CAMK1D: variants seen among roughly 807,000 people sequenced by gnomAD.
The protein encoded by CAMK1D is calcium/calmodulin-dependent protein kinase type 1D.
Under a neutral mutation model 47.7 loss-of-function variants are expected in CAMK1D, and 9 were observed. The observed-to-expected ratio is 0.19, with a 90% CI of 0.11 to 0.33. The LOEUF (loss-of-function observed/expected upper bound fraction) is 0.33. CAMK1D is among the 10% of genes least tolerant of loss of function. CAMK1D has a pLI of 1.00. For synonymous variants in CAMK1D, 184 were observed against 184.9 expected, an observed-to-expected ratio of 0.99 and a Z score of 0.04; for missense variants, 291 against 488.7, an observed-to-expected ratio of 0.60 and a Z score of 3.81.
intron 3 of CAMK1D, among the ~76,000 whole-genome samples, chr10:12,741,451 G>A (rs1237921286): frequency 6.6e-6 from 1 of 152,216 alleles, no homozygotes; most frequent in African/African-American, 2.4e-5. Context: ...AGCGAGGGCC[G>A]CCCTCTTGGC....
chr10:12,593,305 C>T (rs1278964785), intron 2 of CAMK1D, among the ~76,000 whole-genome samples: 1 of 152,096 alleles, frequency 6.6e-6, no homozygotes, highest in Admixed American at 6.5e-5. Context: ...AGGTAAGACC[C>T]AAGGCTGTCT....
At chr10:12,742,624 G>A (rs971950701) in intron 3 of CAMK1D, among the ~76,000 whole-genome samples, 2 of 152,186 alleles carry the variant, frequency 1.3e-5, no homozygotes, top group African/African-American at 4.8e-5. Context: ...CGTGAGCTGA[G>A]GTTTCAGCTC....
intron 2 of CAMK1D, among the ~76,000 whole-genome samples, chr10:12,588,860 GTATA>G (rs199590472): frequency 1.1e-4 from 12 of 106,346 alleles, no homozygotes; most frequent in African/African-American, 3.6e-4. Context: ...ACATGTATAT[GTATA>G]TATGTGTGTG....
At chr10:12,471,798 G>A (rs11257814) in intron 1 of CAMK1D, among the ~76,000 whole-genome samples, 8,630 of 152,142 alleles carry the variant, frequency 0.057, 323 homozygotes, top group East Asian at 0.14. Context: ...TTGGGAAGCC[G>A]AGATGGGAGG....
chr10:12,619,026 A>G (rs988762856), intron 2 of CAMK1D, among the ~76,000 whole-genome samples: 1 of 152,244 alleles, frequency 6.6e-6, no homozygotes, highest in African/African-American at 2.4e-5. Context: ...GCTATGCAGT[A>G]CTACTACCTG....
At chr10:12,614,751 T>C (rs1588691250) in intron 2 of CAMK1D, among the ~76,000 whole-genome samples, 2 of 152,148 alleles carry the variant, frequency 1.3e-5, no homozygotes, top group Admixed American at 1.3e-4. Context: ...ACCCTCACCC[T>C]CCACAAGGCT....
At chr10:12,728,777 G>A (rs1046214088) in intron 3 of CAMK1D, among the ~76,000 whole-genome samples, 22 of 152,214 alleles carry the variant, frequency 1.4e-4, no homozygotes, top group Admixed American at 1.4e-3. Context: ...GTGTCTGCCT[G>A]GAGACTGCTG....
intron 6 of CAMK1D, among the ~76,000 whole-genome samples, chr10:12,813,637 C>T (rs1326617239): frequency 6.6e-6 from 1 of 151,940 alleles, no homozygotes; most frequent in African/African-American, 2.4e-5. Flanking sequence ...CTGAGTTGAC[C>T]CTTTTTGCTA....
At chr10:12,577,232 G>C (rs1309071939) in intron 2 of CAMK1D, among the ~76,000 whole-genome samples, 3 of 152,156 alleles carry the variant, frequency 2.0e-5, no homozygotes, top group African/African-American at 7.2e-5. Flanking sequence ...AAAATTCCTG[G>C]CTGGTTCTGT....
At chr10:12,737,336 G>T (rs1386639130) in intron 3 of CAMK1D, among the ~76,000 whole-genome samples, 1 of 152,026 alleles carries the variant, frequency 6.6e-6, no homozygotes, top group East Asian at 1.9e-4. Context: ...ATACCAGAAG[G>T]ATCATCCTAG....
At chr10:12,377,526 C>T (rs866069528) in intron 1 of CAMK1D, among the ~76,000 whole-genome samples, 2 of 152,144 alleles carry the variant, frequency 1.3e-5, no homozygotes, top group African/African-American at 4.8e-5. Context: ...TTGTTCTGCT[C>T]GCACTAAAAT....
intron 3 of CAMK1D, among the ~76,000 whole-genome samples, chr10:12,694,016 AT>A (rs1156634319): frequency 1.5e-4 from 11 of 75,636 alleles, no homozygotes; most frequent in Admixed American, 2.4e-4. Flanking sequence ...TATATATTAA[AT>A]ATATATAATA....
chr10:12,387,417 T>A lies in CAMK1D; in HGVS notation c.92+37507T>A, dbSNP rs1229453448. ...ATATATTTTTATATATTATATATAT[T>A]TTATATATTTTATATATTATATATA... On this transcript the variant is annotated intron_variant, in intron 1 of 10. Transcript: ENST00000619168. 3.8e-3 allele frequency among the ~76,000 whole-genome samples: 184 copies of A among 48,194 alleles called. 2 individuals are homozygous for A. The highest frequency in any genetic ancestry group is 0.013 in the Middle Eastern group (1 of 76). 31.6% of individuals were successfully genotyped at this position (48,194 alleles called of 152,430 possible).
At chr10:12,542,339 G>A (rs551213014) in intron 1 of CAMK1D, among the ~76,000 whole-genome samples, 14 of 152,304 alleles carry the variant, frequency 9.2e-5, no homozygotes, top group South Asian at 6.2e-4. Flanking sequence ...GGCTGGAAGC[G>A]ATGCTGTTAA....
At chr10:12,409,679 T>G (rs983710857) in intron 1 of CAMK1D, among the ~76,000 whole-genome samples, 4 of 152,270 alleles carry the variant, frequency 2.6e-5, no homozygotes, top group African/African-American at 9.6e-5. Flanking sequence ...TTTGGTATAT[T>G]ATTCTCCTTA....
intron 3 of CAMK1D, among the ~76,000 whole-genome samples, chr10:12,692,932 C>G (rs1260939737): frequency 6.6e-6 from 1 of 152,138 alleles, no homozygotes; most frequent in East Asian, 1.9e-4. Flanking sequence ...GAAAATGTGG[C>G]TGAGGTATGG....
At chr10:12,412,564 A>T (rs1159060983) in intron 1 of CAMK1D, among the ~76,000 whole-genome samples, 1 of 150,454 alleles carries the variant, frequency 6.6e-6, no homozygotes, top group Non-Finnish European at 1.5e-5. Context: ...CGGAGGTTGC[A>T]GTGAGCCGAG....
intron 2 of CAMK1D, among the ~76,000 whole-genome samples, chr10:12,553,752 T>C (rs937076970): frequency 3.3e-5 from 5 of 152,228 alleles, no homozygotes; most frequent in Admixed American, 6.5e-5. Flanking sequence ...TTTTGTGAAG[T>C]GCTCACTGCA....
intron 4 of CAMK1D, among the ~76,000 whole-genome samples, chr10:12,765,832 T>C (rs1405981789): frequency 6.6e-6 from 1 of 152,090 alleles, no homozygotes; most frequent in Non-Finnish European, 1.5e-5. Context: ...AGGTGGTGTC[T>C]GACTTACATA....
Sources: allele counts gnomAD v4.1 joint callset (sites outside exome capture counted in the v4.1 genomes callset), GRCh38; gene constraint gnomAD v4.1.1; transcripts MANE v1.5; gene names NCBI Gene and HGNC (gene_info 2026-07-23, HGNC 2026-07-21).